Variants in ARHGAP39 observed in about 807,000 individuals in gnomAD.
The protein encoded by ARHGAP39 is Rho GTPase activating protein 39, also known as rho GTPase-activating protein 39.
Under a neutral mutation model 106.9 loss-of-function variants are expected in ARHGAP39, and 44 were observed. The ratio of observed to expected loss-of-function variants is 0.41; its 90% CI spans 0.32 to 0.53. The LOEUF (loss-of-function observed/expected upper bound fraction) is 0.53, where lower values mean the gene tolerates loss of function less well. ARHGAP39 is among the 20% of genes least tolerant of loss of function. The probability of loss-of-function intolerance (pLI) is 0.21; values close to 1 mark genes in which losing one functional copy is unlikely to be tolerated. For missense variants in ARHGAP39, 1,496 were observed against 1,577.3 expected (o/e 0.95, Z 0.87); for synonymous variants, 768 against 693.2 (o/e 1.11, Z -1.69).
intron 6 of ARHGAP39, among the ~76,000 whole-genome samples, chr8:144,540,217 G>A (rs374708340): frequency 1.4e-3 from 220 of 152,318 alleles, no homozygotes; most frequent in African/African-American, 4.7e-3. Flanking sequence ...GGGCAACATT[G>A]CAAAACTTCA....
intron 1 of ARHGAP39, among the ~76,000 whole-genome samples, chr8:144,678,930 G>T (rs1447483642): frequency 6.6e-6 from 1 of 152,150 alleles, no homozygotes; most frequent in Non-Finnish European, 1.5e-5. Context: ...GAGGGACATG[G>T]TGCAGGTCCC....
At chr8:144,597,212 G>A (rs1443018577) in intron 2 of ARHGAP39, among the ~76,000 whole-genome samples, 1 of 152,206 alleles carries the variant, frequency 6.6e-6, no homozygotes, top group African/African-American at 2.4e-5. Context: ...AAGCCAGCAG[G>A]AGATGCGTTT....
chr8:144,583,807 A>C lies in ARHGAP39; in HGVS notation c.81-2530T>G, dbSNP rs183941162. ...GATTACTACTGTCATTGGAAAAAAAACCCACATATTATCTTCCTATAAAAT... is the reference window on the plus strand; with the variant it reads ...GATTACTACTGTCATTGGAAAAAAACCCCACATATTATCTTCCTATAAAAT... On this transcript the variant is annotated intron_variant, in intron 2 of 11. Transcript: ENST00000377307. 3.3e-3 allele frequency among the ~76,000 whole-genome samples: 503 copies of C among 152,316 alleles called. 1 individual carries two copies. Among genetic ancestry groups the C allele is most frequent in the African/African-American group, 0.011 (458 of 41,550 alleles).
At chr8:144,570,727 A>G (rs1318179180) in intron 3 of ARHGAP39, among the ~76,000 whole-genome samples, 1 of 152,216 alleles carries the variant, frequency 6.6e-6, no homozygotes, top group East Asian at 1.9e-4. Context: ...AAATTGGTAC[A>G]CTGCTAGCAA....
rs1822082401 is a variant in ARHGAP39, at chr8:144,670,802, T to A, written c.-82+14884A>T. On this transcript the variant is annotated intron_variant, in intron 1 of 11. Coordinates refer to ENST00000377307, the MANE Select transcript of ARHGAP39 (RefSeq NM_025251.3). This position sits in a 1 kb window ranked among gnomAD's most constrained non-coding sequence, Gnocchi z 4.4. ...CAGACCACACACCGCAGCTGCCAAC[T>A]GTGTGTATCTGTTTCCTGCACTAGA... is the stretch of plus-strand genomic sequence containing the variant. Among the ~76,000 whole-genome samples, 1 of 152,110 alleles carries A rather than the reference T, an allele frequency of 6.6e-6. No homozygotes were observed. Among genetic ancestry groups the A allele is most frequent in the African/African-American group, 2.4e-5 (1 of 41,424 alleles).
rs190999439 is a variant in ARHGAP39, at chr8:144,591,864, G to A, written c.81-10587C>T. Among the ~76,000 whole-genome samples, 1 of 152,054 alleles carries A rather than the reference G, an allele frequency of 6.6e-6. No individual in the cohort carries two copies. The highest frequency in any genetic ancestry group is 2.4e-5 in the African/African-American group (1 of 41,442). ...GCGGCTTCCCCTGGATGGCGGCGTC[G>A]CCTCGTCGCCTCGTGCCTGCGGGGA... is the stretch of plus-strand genomic sequence containing the variant. On this transcript the variant is annotated intron_variant, in intron 2 of 11. Transcript: ENST00000377307. The surrounding 1 kb of genome is among the most constrained non-coding windows in gnomAD (Gnocchi z 5.3).
At position 144,641,769 on chromosome 8, in the gene ARHGAP39, A is replaced by G. The variant is rs1821318410; in HGVS notation, c.-81-36074T>C. Among the ~76,000 whole-genome samples, 1 of 152,224 alleles carries G rather than the reference A, an allele frequency of 6.6e-6. No individual in the cohort carries two copies. The highest frequency in any genetic ancestry group is 1.5e-5 in the Non-Finnish European group (1 of 68,030). ...GTCTGAGCTGGCCCCACAGGTACCC[A>G]AGAGTGTCCTCTGAAGCCAGTGCAT... On this transcript the variant is annotated intron_variant, in intron 1 of 11. Coordinates refer to ENST00000377307, the MANE Select transcript of ARHGAP39 (RefSeq NM_025251.3). The surrounding 1 kb of genome is among the most constrained non-coding windows in gnomAD (Gnocchi z 5.2).
chr8:144,637,051 T>C (rs1345796830), intron 1 of ARHGAP39, among the ~76,000 whole-genome samples: 2 of 152,226 alleles, frequency 1.3e-5, no homozygotes, highest in Non-Finnish European at 2.9e-5. Flanking sequence ...TGTCTTTGTG[T>C]CTTTGTACCA....
rs746485117 is a variant in ARHGAP39, at chr8:144,645,029, G to A, written c.-81-39334C>T. On this transcript the variant is annotated intron_variant, in intron 1 of 11. Transcript: ENST00000377307. The surrounding 1 kb of genome is among the most constrained non-coding windows in gnomAD (Gnocchi z 4.4). The stretch of plus-strand genomic sequence containing the variant: ...GTGACAGGCGCTGGGCCACGGCAGA[G>A]AGCACATGTCAACCGCAGTCCCCGT... 2.6e-5 allele frequency among the ~76,000 whole-genome samples: 4 copies of A among 152,256 alleles called. No homozygotes were observed. Among genetic ancestry groups the A allele is most frequent in the Non-Finnish European group, 5.9e-5 (4 of 68,056 alleles).
chr8:144,606,514 T>C (rs888850329), intron 1 of ARHGAP39, among the ~76,000 whole-genome samples: 8 of 152,214 alleles, frequency 5.3e-5, no homozygotes, highest in African/African-American at 1.9e-4. Context: ...ATAGTAGATA[T>C]TACAATAGCA....
Position 144,679,546 on chromosome 8 carries a change from C to T in ARHGAP39, c.-82+6140G>A, listed in dbSNP as rs969050516. 6.6e-6 allele frequency among the ~76,000 whole-genome samples: 1 copy of T among 152,234 alleles called. No individual in the cohort carries two copies. Among genetic ancestry groups the T allele is most frequent in the Non-Finnish European group, 1.5e-5 (1 of 68,038 alleles). On this transcript the variant is annotated intron_variant, in intron 1 of 11. Coordinates refer to ENST00000377307, the MANE Select transcript of ARHGAP39 (RefSeq NM_025251.3). This position sits in a 1 kb window ranked among gnomAD's most constrained non-coding sequence, Gnocchi z 4.7. ...CTACTGCAACTCGCTCTGGAGAAAG[C>T]TGTCCAGTAAACTCCTGGATTTGGA...
intron 3 of ARHGAP39, among the ~76,000 whole-genome samples, chr8:144,568,689 T>A (rs1463515540): frequency 6.6e-6 from 1 of 152,172 alleles, no homozygotes. Flanking sequence ...GCCTAATAAA[T>A]GCTGTTAGGT....
chr8:144,639,076 C>T (rs753482113), intron 1 of ARHGAP39, among the ~76,000 whole-genome samples: 3 of 152,032 alleles, frequency 2.0e-5, no homozygotes, highest in African/African-American at 4.8e-5. Flanking sequence ...CCTGTAATCC[C>T]GACACTTTGG....
chr8:144,534,200 C>T lies in ARHGAP39; in HGVS notation c.2617G>A (p.Val873Met). The T allele has an allele frequency of 6.2e-7, 1 of 1,613,362 alleles. No individual in the cohort carries two copies. The highest frequency in any genetic ancestry group is 2.2e-5 in the East Asian group (1 of 44,838). Residue 873 changes from valine (V) to methionine (M), a missense_variant and splice_region_variant, in exon 8 of 12, where the codon GTG becomes ATG. Physicochemically the swap from Val to Met is conservative, Grantham distance 21 (BLOSUM62 1). Transcript: ENST00000377307. ...TACTTGGCATACGTGCTTATCGCCA[C>T]CCCTGGAAAGGAAAGGGGCCTGATC... Reference protein sequence around the residue: ...PKPYVEEPDGVAISTYAKYCY... With the variant: ...PKPYVEEPDGMAISTYAKYCY...
At chr8:144,546,450 C>A (rs1447076290) in intron 5 of ARHGAP39, among the ~76,000 whole-genome samples, 1 of 152,196 alleles carries the variant, frequency 6.6e-6, no homozygotes, top group East Asian at 1.9e-4. Flanking sequence ...CGAGGTCTCC[C>A]CACCCAAGGA....
chr8:144,641,562 C>G lies in ARHGAP39; in HGVS notation c.-81-35867G>C, dbSNP rs1238076149. Among the ~76,000 whole-genome samples, 1 of 152,236 alleles carries G rather than the reference C, an allele frequency of 6.6e-6. No homozygotes were observed. The highest frequency in any genetic ancestry group is 1.5e-5 in the Non-Finnish European group (1 of 68,040). On this transcript the variant is annotated intron_variant, in intron 1 of 11. Coordinates refer to ENST00000377307, the MANE Select transcript of ARHGAP39 (RefSeq NM_025251.3). This position sits in a 1 kb window ranked among gnomAD's most constrained non-coding sequence, Gnocchi z 5.2. ...ATCCCCTCAGCTCTCCTGCGTTCTG[C>G]CCATCACTCACCCCAGGACTCCATC...
the ARHGAP39 span, chr8:144,699,026 G>C: frequency 2.7e-6 from 1 of 372,836 alleles, no homozygotes; most frequent in Non-Finnish European, 5.4e-6. Flanking sequence ...AAAAAAGCAG[G>C]GTCCTGGAGT....
chr8:144,649,038 C>A (rs1821511855), intron 1 of ARHGAP39, among the ~76,000 whole-genome samples: 1 of 152,094 alleles, frequency 6.6e-6, no homozygotes, highest in Non-Finnish European at 1.5e-5. Context: ...ACACAAAAAT[C>A]CATTCAAAAG....
intron 2 of ARHGAP39, among the ~76,000 whole-genome samples, chr8:144,587,361 T>A (rs896801252): frequency 3.9e-5 from 6 of 152,170 alleles, no homozygotes; most frequent in African/African-American, 1.4e-4. Context: ...ACGCGTGGAA[T>A]GCACACTGCT....
Sources: gnomAD v4.1 joint callset for allele counts (sites outside exome capture counted in the v4.1 genomes callset) on GRCh38, gnomAD v4.1.1 for gene constraint, Gnocchi (gnomAD v3.1) non-coding constraint, MANE v1.5 for transcripts, NCBI Gene and HGNC (gene_info 2026-07-23, HGNC 2026-07-21) for gene names.